OXNAD1: variants seen among roughly 807,000 people sequenced by gnomAD.
OXNAD1 encodes the protein oxidoreductase NAD binding domain containing 1.
OXNAD1 carries 34 observed loss-of-function variants against 32.9 expected under a neutral mutation model. The observed-to-expected ratio is 1.03, with a 90% CI of 0.79 to 1.38. OXNAD1 has a LOEUF of 1.38. OXNAD1 is among the 40% of genes most tolerant of loss of function. The pLI, the probability that OXNAD1 is intolerant of heterozygous loss-of-function variation, is 0.00. For missense variants in OXNAD1, 407 were observed against 379.4 expected (o/e 1.07, Z -0.60); for synonymous variants, 134 against 135.2 (o/e 0.99, Z 0.06).
At chr3:16,338,654 T>C (rs1039269407), downstream of OXNAD1, among the ~76,000 whole-genome samples, 6 of 152,234 alleles carry the variant, frequency 3.9e-5, no homozygotes, top group Non-Finnish European at 8.8e-5. The surrounding 1 kb of genome is among the most constrained non-coding windows in gnomAD (Gnocchi z 5.3). Context: ...AACTAGGCTT[T>C]CTGGGAGTAA....
Position 16,297,398 on chromosome 3 carries a change from G to C in OXNAD1, c.432+2401G>C, listed in dbSNP as rs1485304809. ...CTCTCATATATTGCTTATATTGCTA[G>C]TGGGAATGCAAAATAGTACAGCCGA... On this transcript the variant is annotated intron_variant, in intron 6 of 8. Transcript: ENST00000285083. The surrounding 1 kb of genome is among the most constrained non-coding windows in gnomAD (Gnocchi z 4.3). Among the ~76,000 whole-genome samples the C allele has an allele frequency of 2.0e-5, 3 of 152,188 alleles. No individual in the cohort carries two copies. The highest frequency in any genetic ancestry group is 4.4e-5 in the Non-Finnish European group (3 of 68,032).
chr3:16,309,234 A>G (rs114025375), downstream of OXNAD1, among the ~76,000 whole-genome samples: 840 of 152,344 alleles, frequency 5.5e-3, 2 homozygotes, highest in Non-Finnish European at 9.6e-3. Flanking sequence ...GTTTTTGGCT[A>G]TTACAAGCAA....
chr3:16,313,036 C>T (rs2068076842), intron 9 of OXNAD1, among the ~76,000 whole-genome samples: 1 of 149,704 alleles, frequency 6.7e-6, no homozygotes, highest in Non-Finnish European at 1.5e-5. Flanking sequence ...ATTTAACGCC[C>T]ATGTCAAGAT....
rs145239202 is a variant in OXNAD1 at position 16,330,315 on chromosome 3, C to T, written c.*31-6797C>T. ...TTAATTAATGTTAAATGTGATTTTC[C>T]GTAAGCATCTATCACAGCCCGTTTG... On this transcript the variant is annotated intron_variant, in intron 9 of 9. Transcript: ENST00000435829. Among the ~76,000 whole-genome samples, 293 of 152,254 alleles carry T rather than the reference C, an allele frequency of 1.9e-3. 6 individuals are homozygous for T. The highest frequency in any genetic ancestry group is 0.017 in the Admixed American group (255 of 15,302).
At position 16,277,404 on chromosome 3, in the gene OXNAD1, A is replaced by G. The variant is rs2065426619; in HGVS notation, c.183+5682A>G. 6.6e-6 allele frequency among the ~76,000 whole-genome samples: 1 copy of G among 152,032 alleles called. No individual in the cohort carries two copies. Among genetic ancestry groups the G allele is most frequent in the Non-Finnish European group, 1.5e-5 (1 of 68,022 alleles). On this transcript the variant is annotated intron_variant, in intron 4 of 8. Transcript: ENST00000285083. The surrounding 1 kb of genome is among the most constrained non-coding windows in gnomAD (Gnocchi z 4.3). ...CCATAGAGTAGGGGCTGGACCCTGG[A>G]CTCGTTGAAATGAATGGCACCTCAG...
rs1199369115 is a variant in OXNAD1 at position 16,290,614 on chromosome 3, T to G, written c.290+4166T>G. Among the ~76,000 whole-genome samples, 1 of 152,252 alleles carries G rather than the reference T, an allele frequency of 6.6e-6. No homozygotes were observed. Among genetic ancestry groups the G allele is most frequent in the Non-Finnish European group, 1.5e-5 (1 of 68,042 alleles). ...CTCCTCTGTGATAGCATATAGCAAC[T>G]GTGTTAACAAATGCTAACGATAGTC... On this transcript the variant is annotated intron_variant, in intron 5 of 8. Coordinates refer to ENST00000285083, the MANE Select transcript of OXNAD1 (RefSeq NM_138381.5). This position sits in a 1 kb window ranked among gnomAD's most constrained non-coding sequence, Gnocchi z 4.2.
rs1037724426 is a variant in OXNAD1, at chr3:16,298,336, C to G, written c.433-3290C>G. ...CCTAGTGCCATGAACATCTCCCCAT[C>G]CTCCCTGTTATCCTTAGCTTCTCAC... On this transcript the variant is annotated intron_variant, in intron 6 of 8. Transcript: ENST00000285083. This position sits in a 1 kb window ranked among gnomAD's most constrained non-coding sequence, Gnocchi z 5.1. 3.9e-5 allele frequency among the ~76,000 whole-genome samples: 6 copies of G among 152,170 alleles called. No individual in the cohort carries two copies. The highest frequency in any genetic ancestry group is 1.4e-4 in the African/African-American group (6 of 41,438).
rs376613094 is a variant in OXNAD1 at position 16,301,710 on chromosome 3, G to T, written c.517G>T (p.Val173Leu). The T allele has an allele frequency of 1.1e-5, 18 of 1,614,012 alleles. No homozygotes were observed. The South Asian group carries it at 1.6e-4, about 15-fold the overall frequency. ...GCCTGCGGATGCCTCTAGAAACCTC[G>T]TGTTGATTGCAGGAGGAGTCGGAAT... ...PQPADASRNL[V>L]LIAGGVGINP... Residue 173 changes from valine to leucine, a missense_variant, in exon 7 of 9, where the codon GTG (valine) becomes TTG (leucine). By Grantham distance (32) the Val-to-Leu change is conservative. Coordinates refer to ENST00000285083, the MANE Select transcript of OXNAD1 (RefSeq NM_138381.5). The surrounding 1 kb of genome is among the most constrained non-coding windows in gnomAD (Gnocchi z 4.1).
chr3:16,284,215 A>G lies in OXNAD1; in HGVS notation c.184-2127A>G, dbSNP rs973144358. 6.6e-6 allele frequency among the ~76,000 whole-genome samples: 1 copy of G among 152,234 alleles called. No homozygotes were observed. Among genetic ancestry groups the G allele is most frequent in the Non-Finnish European group, 1.5e-5 (1 of 68,048 alleles). On this transcript the variant is annotated intron_variant, in intron 4 of 8. Coordinates refer to ENST00000285083, the MANE Select transcript of OXNAD1 (RefSeq NM_138381.5). This position sits in a 1 kb window ranked among gnomAD's most constrained non-coding sequence, Gnocchi z 4.1. ...GCTCAGTCTTTAAGGCCCTGGTGCA[A>G]AAGCATTGGTATGGTGGCATATATA... is the stretch of plus-strand genomic sequence containing the variant.
In OXNAD1 at chr3:16,290,803, T is replaced by C. The variant is rs559221542; in HGVS notation, c.291-4053T>C. The stretch of plus-strand genomic sequence containing the variant: ...ATAAATGACTGGAAATGTAAGGCCA[T>C]AGACTGCAGGAGAATATTTTTTTAA... On this transcript the variant is annotated intron_variant, in intron 5 of 8. Coordinates refer to ENST00000285083, the MANE Select transcript of OXNAD1 (RefSeq NM_138381.5). This position sits in a 1 kb window ranked among gnomAD's most constrained non-coding sequence, Gnocchi z 4.2. Among the ~76,000 whole-genome samples the C allele has an allele frequency of 1.2e-4, 18 of 152,348 alleles. No individual in the cohort carries two copies. The highest frequency in any genetic ancestry group is 4.1e-4 in the African/African-American group (17 of 41,588).
downstream of OXNAD1, among the ~76,000 whole-genome samples, chr3:16,339,152 A>C (rs1323214176): frequency 6.6e-6 from 1 of 152,202 alleles, no homozygotes; most frequent in Non-Finnish European, 1.5e-5. Flanking sequence ...CTCTCTCCCT[A>C]ACTTTCTCTG....
intron 4 of OXNAD1, among the ~76,000 whole-genome samples, chr3:16,278,441 A>C (rs572252028): frequency 6.6e-6 from 1 of 152,182 alleles, no homozygotes; most frequent in Non-Finnish European, 1.5e-5. Flanking sequence ...TTTCTATTTC[A>C]CAGATGAGGG....
At position 16,289,779 on chromosome 3, in the gene OXNAD1, A is replaced by C. The variant is rs2066305539; in HGVS notation, c.290+3331A>C. Reference sequence around the variant, plus strand: ...GCATCTCTTCTGTGAAGTCTTTCTTAATTCCTGTACTCCTGGTAGAATTGA... The same window carrying C: ...GCATCTCTTCTGTGAAGTCTTTCTTCATTCCTGTACTCCTGGTAGAATTGA... On this transcript the variant is annotated intron_variant, in intron 5 of 8. Coordinates refer to ENST00000285083, the MANE Select transcript of OXNAD1 (RefSeq NM_138381.5). The surrounding 1 kb of genome is among the most constrained non-coding windows in gnomAD (Gnocchi z 4.9). Among the ~76,000 whole-genome samples, 1 of 152,158 alleles carries C rather than the reference A, an allele frequency of 6.6e-6. No homozygotes were observed. The highest frequency in any genetic ancestry group is 6.5e-5 in the Admixed American group (1 of 15,288).
intron 4 of OXNAD1, among the ~76,000 whole-genome samples, chr3:16,272,872 T>C (rs888924595): frequency 1.3e-5 from 2 of 152,160 alleles, no homozygotes; most frequent in Non-Finnish European, 2.9e-5. Context: ...TGATTTATCT[T>C]ACAGGCTCTT....
At chr3:16,332,581 G>GT (rs1375692546) in intron 9 of OXNAD1, among the ~76,000 whole-genome samples, 1 of 152,112 alleles carries the variant, frequency 6.6e-6, no homozygotes, top group Non-Finnish European at 1.5e-5. Context: ...TTTTAAACCA[G>GT]TACCCTGGTT....
chr3:16,306,593 C>T (rs1026843925), downstream of OXNAD1, among the ~76,000 whole-genome samples: 5 of 152,182 alleles, frequency 3.3e-5, no homozygotes, highest in African/African-American at 9.7e-5. Flanking sequence ...TACACATATA[C>T]ATGGACACTT....
Position 16,301,347 on chromosome 3 carries a change from G to T in OXNAD1, c.433-279G>T, listed in dbSNP as rs372605029. On this transcript the variant is annotated intron_variant, in intron 6 of 8. Coordinates refer to ENST00000285083, the MANE Select transcript of OXNAD1 (RefSeq NM_138381.5). The surrounding 1 kb of genome is among the most constrained non-coding windows in gnomAD (Gnocchi z 4.1). ...GCCTCTTTCCTCAATCCAGTTCATC[G>T]CCTAAGAAGTTAACAAATGGTGAAA... 6.6e-6 allele frequency among the ~76,000 whole-genome samples: 1 copy of T among 152,116 alleles called. No individual in the cohort carries two copies. Among genetic ancestry groups the T allele is most frequent in the East Asian group, 1.9e-4 (1 of 5,200 alleles).
chr3:16,307,607 TAATG>T (rs1418737866), downstream of OXNAD1, among the ~76,000 whole-genome samples: 1 of 152,082 alleles, frequency 6.6e-6, no homozygotes, highest in African/African-American at 2.4e-5. Context: ...AAATCAATTA[TAATG>T]AATATAGATA....
chr3:16,321,636 G>C lies in OXNAD1; in HGVS notation c.*31-15476G>C, dbSNP rs750795937. On this transcript the variant is annotated intron_variant, in intron 9 of 9. Transcript: ENST00000435829. The surrounding 1 kb of genome is among the most constrained non-coding windows in gnomAD (Gnocchi z 4.8). Reference sequence around the variant, plus strand: ...TCTGTGAGGTGACCCAGAGGGTCTTGTGTAGAACAAGTGCTCCACACCAGT... The same window carrying C: ...TCTGTGAGGTGACCCAGAGGGTCTTCTGTAGAACAAGTGCTCCACACCAGT... Among the ~76,000 whole-genome samples, 12 of 152,172 alleles carry C rather than the reference G, an allele frequency of 7.9e-5. No individual in the cohort carries two copies. Among genetic ancestry groups the C allele is most frequent in the Non-Finnish European group, 1.8e-4 (12 of 68,022 alleles).
Sources: allele counts gnomAD v4.1 joint callset (sites outside exome capture counted in the v4.1 genomes callset), GRCh38; gene constraint gnomAD v4.1.1; non-coding constraint Gnocchi (gnomAD v3.1); transcripts MANE v1.5; gene names NCBI Gene and HGNC (gene_info 2026-07-23, HGNC 2026-07-21).